Variants in LRP1B observed in about 807,000 individuals in gnomAD.
LRP1B encodes the protein LDL receptor related protein 1B.
LRP1B carries 217 observed loss-of-function variants against 556.6 expected under a neutral mutation model. The observed-to-expected ratio is 0.39, with a 90% CI of 0.35 to 0.44. LRP1B has a LOEUF of 0.44. Ranked by LOEUF, LRP1B falls within the 20% of genes least tolerant of loss-of-function variation. The probability of loss-of-function intolerance (pLI) is 1.00; values close to 1 mark genes in which losing one functional copy is unlikely to be tolerated. For synonymous variants in LRP1B, 2,047 were observed against 1,865.8 expected (o/e 1.10, Z -2.50); for missense variants, 5,053 against 5,620.8 (o/e 0.90, Z 3.23).
intron 35 of LRP1B, among the ~76,000 whole-genome samples, chr2:140,721,141 T>A (rs1475217981): frequency 6.6e-6 from 1 of 152,204 alleles, no homozygotes; most frequent in African/African-American, 2.4e-5. Context: ...GATCTTCTAA[T>A]GCTTTTATTT....
chr2:140,400,663 T>C (rs1418991309), intron 66 of LRP1B, among the ~76,000 whole-genome samples: 4 of 152,264 alleles, frequency 2.6e-5, no homozygotes, highest in Non-Finnish European at 4.4e-5. Context: ...GAATAACGTG[T>C]AGAGATTCAC....
intron 7 of LRP1B, among the ~76,000 whole-genome samples, chr2:141,105,961 T>C (rs1005239481): frequency 1.5e-4 from 23 of 152,076 alleles, no homozygotes; most frequent in African/African-American, 5.1e-4. Flanking sequence ...AAGTTAAAAG[T>C]TGGGAGGAAA....
chr2:141,947,865 T>C (rs1009911272), intron 1 of LRP1B, among the ~76,000 whole-genome samples: 2 of 151,672 alleles, frequency 1.3e-5, no homozygotes, highest in African/African-American at 4.8e-5. Flanking sequence ...CAAAGACAGT[T>C]GAAACTCACA....
chr2:140,689,913 C>G lies in LRP1B; in HGVS notation c.6799+10337G>C, dbSNP rs150409004. 2.6e-3 allele frequency among the ~76,000 whole-genome samples: 395 copies of G among 152,276 alleles called. 3 individuals carry two copies. Among genetic ancestry groups the G allele is most frequent in the African/African-American group, 9.2e-3 (381 of 41,558 alleles). On this transcript the variant is annotated intron_variant, in intron 41 of 90. Transcript: ENST00000389484. ...CTAACATGATGTACTGGGGCAGTCT[C>G]CCAAGCCTGAACACCTATGCAGAAA...
At chr2:141,192,654 C>T (rs1171420403) in intron 6 of LRP1B, among the ~76,000 whole-genome samples, 2 of 151,616 alleles carry the variant, frequency 1.3e-5, no homozygotes, top group South Asian at 4.2e-4. Context: ...TGAAGTGGCT[C>T]TTATTTTGAT....
chr2:141,627,063 G>T (rs1414013150), intron 2 of LRP1B, among the ~76,000 whole-genome samples: 1 of 152,194 alleles, frequency 6.6e-6, no homozygotes, highest in Non-Finnish European at 1.5e-5. Flanking sequence ...CTTCAGAGGT[G>T]ACTGGATAAG....
At chr2:142,098,491 C>T (rs1449476) in intron 1 of LRP1B, among the ~76,000 whole-genome samples, 101,424 of 151,438 alleles carry the variant, frequency 0.67, 34,128 homozygotes, top group East Asian at 0.71. Context: ...CTCTTTAATT[C>T]GTTTTCGAAT....
At position 140,274,592 on chromosome 2, in the gene LRP1B, C is replaced by T. The variant is rs2104952766; in HGVS notation, c.12974G>A (p.Cys4325Tyr). Residue 4325 changes from cysteine to tyrosine, a missense_variant, in exon 85 of 91, where the codon TGC becomes TAC. Cys to Tyr is a radical substitution (Grantham distance 194, BLOSUM62 -2). This residue lies in a region of LRP1B where 551 missense variants were observed against 592.0 expected (regional missense o/e 0.93). Coordinates refer to ENST00000389484, the MANE Select transcript of LRP1B (RefSeq NM_018557.3). ...YTGDRCQYYV[C>Y]HHYCVNSESC... ...TTCAGAATTCACACAATAGTGGTGG[C>T]ACACGTCTAGGAAAAAAAGGCACAA... The T allele has an allele frequency of 6.2e-7, 1 of 1,608,554 alleles. No individual in the cohort carries two copies. Among genetic ancestry groups the T allele is most frequent in the Non-Finnish European group, 8.5e-7 (1 of 1,177,418 alleles).
At chr2:142,031,620 A>G (rs926400905) in intron 1 of LRP1B, among the ~76,000 whole-genome samples, 1 of 141,826 alleles carries the variant, frequency 7.1e-6, no homozygotes. Flanking sequence ...ACTAAAAAAA[A>G]AATGACATAT....
intron 66 of LRP1B, among the ~76,000 whole-genome samples, chr2:140,396,003 C>T (rs1012904515): frequency 6.6e-6 from 1 of 152,118 alleles, no homozygotes; most frequent in African/African-American, 2.4e-5. Flanking sequence ...GTTCAAAATG[C>T]CTGCTATTCC....
rs190468187 is a variant in LRP1B, at chr2:141,089,409, C to T, written c.1014-27136G>A. ...ATTCTTTTGTTATCTAGATCTGTAT[C>T]GGAGAGTAATTAAAAACTTAGCAAT... On this transcript the variant is annotated intron_variant, in intron 7 of 90. Coordinates refer to ENST00000389484, the MANE Select transcript of LRP1B (RefSeq NM_018557.3). Among the ~76,000 whole-genome samples the T allele has an allele frequency of 4.3e-4, 66 of 152,142 alleles. 1 individual carries two copies. The highest frequency in any genetic ancestry group is 3.3e-3 in the Admixed American group (50 of 15,282).
rs553730650 is a variant in LRP1B, at chr2:140,837,707, G to T, written c.5209+2284C>A. 1.4e-4 allele frequency among the ~76,000 whole-genome samples: 21 copies of T among 150,786 alleles called. No individual in the cohort carries two copies. In the South Asian group the frequency reaches 4.4e-3, roughly 32 times the overall value. ...CACCAAGGACAAAAAACCAAACACC[G>T]CATATTCTCACTCATAGGTGGGAAT... On this transcript the variant is annotated intron_variant, in intron 31 of 90. Transcript: ENST00000389484.
At chr2:141,091,011 G>T (rs1254351017) in intron 7 of LRP1B, among the ~76,000 whole-genome samples, 5 of 152,160 alleles carry the variant, frequency 3.3e-5, no homozygotes, top group Non-Finnish European at 7.4e-5. Context: ...GTAAAAAAAG[G>T]CAAGTCAATT....
chr2:141,366,621 C>T (rs941887922), intron 3 of LRP1B, among the ~76,000 whole-genome samples: 6 of 152,086 alleles, frequency 3.9e-5, no homozygotes, highest in Non-Finnish European at 8.8e-5. Flanking sequence ...CAGTTTTTAG[C>T]CTTTTATTTC....
chr2:141,344,338 T>A (rs2105523266), intron 3 of LRP1B, among the ~76,000 whole-genome samples: 1 of 152,322 alleles, frequency 6.6e-6, no homozygotes, highest in Admixed American at 6.5e-5. Flanking sequence ...TCTGAACTCA[T>A]CTGCTACTCC....
At chr2:140,531,445 T>C (rs1386576345) in intron 47 of LRP1B, among the ~76,000 whole-genome samples, 1 of 152,148 alleles carries the variant, frequency 6.6e-6, no homozygotes. Context: ...TTGGCAAATG[T>C]AATTAGCTCT....
intron 12 of LRP1B, among the ~76,000 whole-genome samples, chr2:141,018,015 A>AT (rs558889774): frequency 0.022 from 3,405 of 151,716 alleles, 65 homozygotes; most frequent in Non-Finnish European, 0.031. Flanking sequence ...AAAAAAAAAA[A>AT]ATTATGAAAG....
At chr2:141,804,872 A>C (rs1696120797) in intron 2 of LRP1B, among the ~76,000 whole-genome samples, 1 of 152,082 alleles carries the variant, frequency 6.6e-6, no homozygotes, top group African/African-American at 2.4e-5. Flanking sequence ...ATTCGTGGAA[A>C]AACTGAGCCT....
In LRP1B at chr2:141,097,997, C is replaced by T. The variant is rs544663853; in HGVS notation, c.1014-35724G>A. ...ACAATGGTAATAATTCACTTCATGG[C>T]CTCAAGCAGACAATACAGCTTTGTT... On this transcript the variant is annotated intron_variant, in intron 7 of 90. Transcript: ENST00000389484. Among the ~76,000 whole-genome samples, 25 of 152,194 alleles carry T rather than the reference C, an allele frequency of 1.6e-4. No homozygotes were observed. The South Asian group carries it at 1.7e-3, about 10-fold the overall frequency.
Sources: gnomAD v4.1 joint callset for allele counts (sites outside exome capture counted in the v4.1 genomes callset) on GRCh38, gnomAD v4.1.1 for gene constraint, gnomAD v4.1.1 regional missense constraint, MANE v1.5 for transcripts, NCBI Gene and HGNC (gene_info 2026-07-23, HGNC 2026-07-21) for gene names.